The following PCDH15 variants were observed in gnomAD, a reference collection of about 807,000 sequenced individuals.
PCDH15 encodes protocadherin-15.
In PCDH15, 129 loss-of-function variants were observed where a neutral mutation model predicts 178.5. The observed-to-expected ratio is 0.72, with a 90% CI of 0.63 to 0.84. PCDH15 has a LOEUF of 0.84. PCDH15 is among the 40% of genes least tolerant of loss of function. PCDH15 has a pLI of 0.00. For missense variants in PCDH15, 2,230 were observed against 2,099.9 expected (o/e 1.06, Z -1.21); for synonymous variants, 800 against 732.0 (o/e 1.09, Z -1.50).
chr10:54,274,342 C>G (rs2058224069), intron 8 of PCDH15, among the ~76,000 whole-genome samples: 1 of 151,972 alleles, frequency 6.6e-6, no homozygotes, highest in Non-Finnish European at 1.5e-5. Context: ...CTTACATTTT[C>G]CCTAGTATTC....
At chr10:55,350,461 C>G (rs752917926) in intron 2 of PCDH15, among the ~76,000 whole-genome samples, 1 of 151,238 alleles carries the variant, frequency 6.6e-6, no homozygotes, top group Non-Finnish European at 1.5e-5. Flanking sequence ...AAAGATAATT[C>G]AGAGCAGAGG....
chr10:54,923,903 G>C (rs1396061548), intron 2 of PCDH15, among the ~76,000 whole-genome samples: 1 of 137,886 alleles, frequency 7.3e-6, no homozygotes, highest in Non-Finnish European at 1.7e-5. Context: ...CAGTTCAAAA[G>C]ATGCTTCCAC....
chr10:55,381,966 AGAT>A (rs1188161887), intron 2 of PCDH15, among the ~76,000 whole-genome samples: 1 of 152,106 alleles, frequency 6.6e-6, no homozygotes, highest in African/African-American at 2.4e-5. Flanking sequence ...TAGAGGTGAG[AGAT>A]GGAGAGGATA....
chr10:54,878,794 A>G (rs1362647964), intron 3 of PCDH15, among the ~76,000 whole-genome samples: 1 of 152,086 alleles, frequency 6.6e-6, no homozygotes, highest in Non-Finnish European at 1.5e-5. Flanking sequence ...CCCAGCATCC[A>G]TTAGATATTC....
chr10:54,837,780 G>T (rs1425041446), intron 3 of PCDH15, among the ~76,000 whole-genome samples: 1 of 152,212 alleles, frequency 6.6e-6, no homozygotes, highest in Middle Eastern at 3.4e-3. Context: ...CGAGATACAA[G>T]GCTGCAAAAC....
chr10:54,586,567 CT>C (rs1237961283), intron 2 of PCDH15, among the ~76,000 whole-genome samples: 14 of 152,216 alleles, frequency 9.2e-5, no homozygotes, highest in Middle Eastern at 3.4e-3. Flanking sequence ...AATTATATTG[CT>C]TCCTGATATC....
intron 26 of PCDH15, among the ~76,000 whole-genome samples, chr10:53,891,329 T>C (rs1186362611): frequency 6.6e-6 from 1 of 152,152 alleles, no homozygotes; most frequent in African/African-American, 2.4e-5. Context: ...ATGTGGCCTT[T>C]GAAACATAAT....
chr10:53,997,726 T>C (rs990963915), intron 20 of PCDH15, among the ~76,000 whole-genome samples: 3 of 152,202 alleles, frequency 2.0e-5, no homozygotes, highest in Admixed American at 6.5e-5. Flanking sequence ...CTAACTTGAA[T>C]GTACAGTGAT....
chr10:55,180,419 TTAGATA>T (rs1839614403), intron 1 of PCDH15, among the ~76,000 whole-genome samples: 1 of 152,096 alleles, frequency 6.6e-6, no homozygotes, highest in Admixed American at 6.6e-5. Context: ...AGTATGTGCT[TTAGATA>T]AGTTAAGGTA....
chr10:55,239,275 C>T (rs1453049815), intron 1 of PCDH15, among the ~76,000 whole-genome samples: 1 of 151,946 alleles, frequency 6.6e-6, no homozygotes, highest in Non-Finnish European at 1.5e-5. Context: ...ATTGATGGAC[C>T]CATAGACTGA....
At chr10:55,418,167 T>C (rs1261652176) in intron 2 of PCDH15, among the ~76,000 whole-genome samples, 1 of 151,770 alleles carries the variant, frequency 6.6e-6, no homozygotes, top group Non-Finnish European at 1.5e-5. Flanking sequence ...ATCATAATAA[T>C]AGTCATAATA....
intron 1 of PCDH15, among the ~76,000 whole-genome samples, chr10:54,755,269 G>A (rs1010130887): frequency 6.6e-6 from 1 of 152,052 alleles, no homozygotes; most frequent in African/African-American, 2.4e-5. Flanking sequence ...TGCAGGCAAT[G>A]CTAATATTGG....
intron 2 of PCDH15, among the ~76,000 whole-genome samples, chr10:55,580,084 T>C (rs1314641365): frequency 6.6e-6 from 1 of 152,126 alleles, no homozygotes. Context: ...CTCCAACACC[T>C]GACCTCAGGT....
chr10:54,331,912 A>G (rs1308970247), intron 6 of PCDH15, among the ~76,000 whole-genome samples: 1 of 151,872 alleles, frequency 6.6e-6, no homozygotes, highest in Non-Finnish European at 1.5e-5. Context: ...TGTACATGTG[A>G]TTCCATTTTG....
chr10:55,094,383 G>T (rs1449898715), intron 2 of PCDH15, among the ~76,000 whole-genome samples: 1 of 151,874 alleles, frequency 6.6e-6, no homozygotes, highest in Non-Finnish European at 1.5e-5. Context: ...ACACACAGGG[G>T]CCTGTTGTGG....
At chr10:55,275,844 A>G (rs1236318070) in intron 1 of PCDH15, among the ~76,000 whole-genome samples, 1 of 151,624 alleles carries the variant, frequency 6.6e-6, no homozygotes, top group Non-Finnish European at 1.5e-5. Context: ...CTATTAATCA[A>G]TTTAAGGCAA....
chr10:55,203,249 C>T (rs1356975439), intron 1 of PCDH15, among the ~76,000 whole-genome samples: 4 of 152,100 alleles, frequency 2.6e-5, no homozygotes, highest in Admixed American at 2.6e-4. Context: ...TCCATAAATT[C>T]TACAACTTCC....
chr10:54,251,891 A>T (rs2132104586), intron 8 of PCDH15, among the ~76,000 whole-genome samples: 1 of 152,174 alleles, frequency 6.6e-6, no homozygotes, highest in Non-Finnish European at 1.5e-5. Flanking sequence ...ATTCTTAATT[A>T]AATTTTATTT....
At chr10:55,096,800 A>G (rs1010503151) in intron 2 of PCDH15, among the ~76,000 whole-genome samples, 1 of 152,108 alleles carries the variant, frequency 6.6e-6, no homozygotes, top group Non-Finnish European at 1.5e-5. Context: ...AACTTTTTAT[A>G]TAAGTAAAAA....
Sources: allele counts gnomAD v4.1 joint callset (sites outside exome capture counted in the v4.1 genomes callset), GRCh38; gene constraint gnomAD v4.1.1; transcripts MANE v1.5; gene names NCBI Gene and HGNC (gene_info 2026-07-23, HGNC 2026-07-21).